The following ANKRD55 variants were observed in gnomAD, a reference collection of about 807,000 sequenced individuals.
ANKRD55 encodes the protein ankyrin repeat domain 55.
Under a neutral mutation model 60.6 loss-of-function variants are expected in ANKRD55, and 41 were observed. The ratio of observed to expected loss-of-function variants is 0.68; its 90% CI spans 0.53 to 0.88. The LOEUF (loss-of-function observed/expected upper bound fraction) is 0.88. Among genes scored for constraint, ANKRD55 ranks in the 40% least tolerant of loss-of-function variants. ANKRD55 has a pLI of 0.00. For missense variants in ANKRD55, 732 were observed against 767.6 expected (o/e 0.95, Z 0.55); for synonymous variants, 264 against 290.3 (o/e 0.91, Z 0.92).
At chr5:56,199,859 C>G (rs1452983605) in intron 2 of ANKRD55, among the ~76,000 whole-genome samples, 3 of 150,236 alleles carry the variant, frequency 2.0e-5, no homozygotes, top group East Asian at 2.0e-4. Context: ...CCACTACACT[C>G]CAGCCTGGGT....
intron 6 of ANKRD55, among the ~76,000 whole-genome samples, chr5:56,158,531 C>A (rs1400636880): frequency 1.3e-5 from 2 of 152,208 alleles, no homozygotes; most frequent in African/African-American, 2.4e-5. Flanking sequence ...GTCTGAGCCA[C>A]CTTCCCTCAA....
intron 2 of ANKRD55, chr5:56,192,761 CG>C: frequency 8.4e-7 from 1 of 1,185,718 alleles, no homozygotes; most frequent in South Asian, 1.3e-5. Flanking sequence ...TTCTAGCCAA[CG>C]TAAAGATGAG....
chr5:56,202,155 G>A (rs1335808136), intron 2 of ANKRD55, among the ~76,000 whole-genome samples: 1 of 152,132 alleles, frequency 6.6e-6, no homozygotes, highest in Non-Finnish European at 1.5e-5. Context: ...AGGGGGTGGT[G>A]TGGGGAGAGG....
chr5:56,228,279 T>C (rs1760167827), intron 2 of ANKRD55, among the ~76,000 whole-genome samples: 2 of 152,112 alleles, frequency 1.3e-5, no homozygotes, highest in South Asian at 2.1e-4. Context: ...AGAGGAACTT[T>C]GAAACAGGTA....
chr5:56,221,594 A>G (rs1759968455), intron 2 of ANKRD55, among the ~76,000 whole-genome samples: 1 of 152,214 alleles, frequency 6.6e-6, no homozygotes, highest in Non-Finnish European at 1.5e-5. Flanking sequence ...TCCCTTTCCT[A>G]GCCAAGGGAA....
chr5:56,151,023 T>C (rs1295850391), intron 6 of ANKRD55, among the ~76,000 whole-genome samples: 1 of 152,252 alleles, frequency 6.6e-6, no homozygotes, highest in Non-Finnish European at 1.5e-5. Flanking sequence ...TTTTTTCCTT[T>C]TAAAAAGAAG....
intron 11 of ANKRD55, among the ~76,000 whole-genome samples, chr5:56,101,511 G>A (rs1756273613): frequency 6.6e-6 from 1 of 152,128 alleles, no homozygotes; most frequent in Admixed American, 6.6e-5. Flanking sequence ...TCAGTGTCCT[G>A]TAGTTTTGTT....
intron 9 of ANKRD55, among the ~76,000 whole-genome samples, chr5:56,113,058 A>G (rs1348564087): frequency 6.6e-6 from 1 of 152,136 alleles, no homozygotes; most frequent in African/African-American, 2.4e-5. Flanking sequence ...TTCCCTATAA[A>G]GAATATGTCT....
intron 2 of ANKRD55, among the ~76,000 whole-genome samples, chr5:56,200,865 G>A (rs1388409029): frequency 2.0e-5 from 3 of 152,146 alleles, no homozygotes; most frequent in African/African-American, 7.2e-5. Flanking sequence ...GGTCACCAAT[G>A]ATGTCTGGAT....
At chr5:56,215,107 G>T (rs1759771124) in intron 2 of ANKRD55, among the ~76,000 whole-genome samples, 1 of 151,934 alleles carries the variant, frequency 6.6e-6, no homozygotes, top group Non-Finnish European at 1.5e-5. Context: ...ATCAACTGTT[G>T]TTTTTGTGTG....
chr5:56,215,176 T>C (rs543615149), intron 2 of ANKRD55, among the ~76,000 whole-genome samples: 125 of 152,324 alleles, frequency 8.2e-4, no homozygotes, highest in African/African-American at 2.6e-3. Flanking sequence ...CACTTGTTGC[T>C]GCATAGAACA....
At chr5:56,127,441 C>A (rs1757301357) in intron 7 of ANKRD55, 3 of 985,008 alleles carry the variant, frequency 3.0e-6, no homozygotes. Context: ...ACCTAGACAA[C>A]AACTTGCTCA....
rs530750924 is a variant in ANKRD55, at chr5:56,182,631, G to T, written c.181+881C>A. On this transcript the variant is annotated intron_variant, in intron 3 of 11. Coordinates refer to ENST00000341048, the MANE Select transcript of ANKRD55 (RefSeq NM_024669.3). ...TTGGGATCTTCCTGTTTCTTGGTAT[G>T]ACGAGTGATTTTTGATTGAAACTTG... 1.6e-3 allele frequency among the ~76,000 whole-genome samples: 246 copies of T among 152,262 alleles called. 2 individuals carry two copies. The highest frequency in any genetic ancestry group is 4.4e-3 in the African/African-American group (183 of 41,556).
At chr5:56,107,808 T>C (rs547474684) in intron 10 of ANKRD55, among the ~76,000 whole-genome samples, 1 of 152,234 alleles carries the variant, frequency 6.6e-6, no homozygotes, top group East Asian at 1.9e-4. Context: ...TTGCTTATGA[T>C]TGTGGAGCCA....
chr5:56,217,936 A>G (rs1193935108), intron 2 of ANKRD55, among the ~76,000 whole-genome samples: 1 of 152,188 alleles, frequency 6.6e-6, no homozygotes, highest in Non-Finnish European at 1.5e-5. Context: ...GTTTGGAAGA[A>G]GTTAATTTCA....
intron 7 of ANKRD55, among the ~76,000 whole-genome samples, chr5:56,131,363 T>C (rs1168690160): frequency 1.3e-5 from 2 of 152,064 alleles, no homozygotes; most frequent in African/African-American, 2.4e-5. Context: ...CTTAAAGAGT[T>C]GAGAAAAGCC....
chr5:56,174,875 C>T (rs1758704844), intron 4 of ANKRD55, among the ~76,000 whole-genome samples: 1 of 148,742 alleles, frequency 6.7e-6, no homozygotes, highest in African/African-American at 2.5e-5. Flanking sequence ...GTTTGTTCAA[C>T]ATGCAGACTC....
At chr5:56,150,364 C>A (rs1198298101) in intron 6 of ANKRD55, among the ~76,000 whole-genome samples, 1 of 151,902 alleles carries the variant, frequency 6.6e-6, no homozygotes, top group African/African-American at 2.4e-5. Flanking sequence ...TAATAAACAA[C>A]CTTATATGTT....
intron 4 of ANKRD55, 97 bp downstream of exon 4, chr5:56,176,055 G>T: frequency 6.8e-7 from 1 of 1,474,922 alleles, no homozygotes; most frequent in Non-Finnish European, 9.3e-7. Context: ...TTAGCCAGCT[G>T]CATAGATCCA....
Sources: allele counts gnomAD v4.1 joint callset (sites outside exome capture counted in the v4.1 genomes callset), GRCh38; gene constraint gnomAD v4.1.1; transcripts MANE v1.5; gene names NCBI Gene and HGNC (gene_info 2026-07-23, HGNC 2026-07-21).